Variants in TTC29 observed in about 807,000 individuals in gnomAD.
TTC29 encodes tetratricopeptide repeat protein 29.
TTC29 carries 49 observed loss-of-function variants against 58.1 expected under a neutral mutation model. That is an observed-to-expected ratio of 0.84 (90% CI 0.67 to 1.07). TTC29 has a LOEUF of 1.07. Ranked by LOEUF, TTC29 falls within the 50% of genes least tolerant of loss-of-function variation. The probability of loss-of-function intolerance (pLI) is 0.00; values close to 1 mark genes in which losing one functional copy is unlikely to be tolerated. For missense variants in TTC29, 582 were observed against 555.6 expected (o/e 1.05, Z -0.48); for synonymous variants, 209 against 196.8 (o/e 1.06, Z -0.52).
chr4:146,924,707 G>T (rs10025475), intron 4 of TTC29, among the ~76,000 whole-genome samples: 27,166 of 151,130 alleles, frequency 0.18, 3,968 homozygotes, highest in African/African-American at 0.39. Context: ...GGGTTTTTTG[G>T]TTGCTTTCTG....
chr4:146,717,750 C>T (rs528060006), intron 11 of TTC29, among the ~76,000 whole-genome samples: 3 of 152,172 alleles, frequency 2.0e-5, no homozygotes, highest in African/African-American at 7.2e-5. Flanking sequence ...ATGGTGAGAG[C>T]ATTTGAGAAT....
chr4:146,896,905 A>C (rs1162717348), intron 6 of TTC29, among the ~76,000 whole-genome samples: 1 of 152,038 alleles, frequency 6.6e-6, no homozygotes, highest in Non-Finnish European at 1.5e-5. Context: ...TCTAGTTTCT[A>C]CTTTTGTCTT....
intron 5 of TTC29, among the ~76,000 whole-genome samples, chr4:146,903,937 CA>C (rs34733675): frequency 1.3e-5 from 2 of 152,046 alleles, no homozygotes; most frequent in Admixed American, 1.3e-4. Flanking sequence ...AGTAAAGCAA[CA>C]AAAGGCTTTC....
intron 4 of TTC29, among the ~76,000 whole-genome samples, chr4:146,913,690 T>C (rs539456628): frequency 6.6e-6 from 1 of 152,088 alleles, no homozygotes; most frequent in African/African-American, 2.4e-5. Context: ...GAGGGCTGGG[T>C]CTGGTCTTTT....
chr4:146,807,107 T>C (rs1465098097), intron 10 of TTC29, among the ~76,000 whole-genome samples: 1 of 152,124 alleles, frequency 6.6e-6, no homozygotes, highest in East Asian at 1.9e-4. Context: ...CACAACTACA[T>C]GGAAACTGAA....
At chr4:146,728,626 C>T in intron 11 of TTC29, among the ~76,000 whole-genome samples, 1 of 149,700 alleles carries the variant, frequency 6.7e-6, no homozygotes, top group Non-Finnish European at 1.5e-5. Flanking sequence ...TTTAATATAA[C>T]ATTTTACTTT....
At chr4:146,908,948 T>G in intron 5 of TTC29, 78 bp downstream of exon 5, 1 of 1,247,850 alleles carries the variant, frequency 8.0e-7, no homozygotes, top group Middle Eastern at 2.7e-4. Flanking sequence ...AATTCATACA[T>G]GAAACAATCT....
At chr4:146,737,594 G>GT (rs201288135) in intron 11 of TTC29, among the ~76,000 whole-genome samples, 7 of 148,652 alleles carry the variant, frequency 4.7e-5, no homozygotes, top group Non-Finnish European at 1.1e-4. Context: ...TAGCCCTGGG[G>GT]GGGGGGGGGC....
At chr4:146,875,966 C>G (rs1278191750) in intron 6 of TTC29, among the ~76,000 whole-genome samples, 1 of 152,136 alleles carries the variant, frequency 6.6e-6, no homozygotes, top group East Asian at 1.9e-4. Context: ...TGTAAATACT[C>G]TTTTATGGTA....
intron 8 of TTC29, among the ~76,000 whole-genome samples, chr4:146,858,633 T>C (rs1041611576): frequency 6.6e-6 from 1 of 152,200 alleles, no homozygotes; most frequent in East Asian, 1.9e-4. Context: ...AAATATTTTA[T>C]GTATATTAAT....
intron 11 of TTC29, among the ~76,000 whole-genome samples, chr4:146,738,021 T>C (rs1234609379): frequency 2.6e-5 from 4 of 152,130 alleles, no homozygotes; most frequent in African/African-American, 9.7e-5. Flanking sequence ...TAAGAATAAA[T>C]ACAACTATAT....
chr4:146,887,792 C>A (rs1225751718), intron 6 of TTC29, among the ~76,000 whole-genome samples: 2 of 152,110 alleles, frequency 1.3e-5, no homozygotes, highest in Non-Finnish European at 2.9e-5. Flanking sequence ...AGCATCTCTT[C>A]TTGGACATCA....
chr4:146,883,141 CTT>C (rs1486028778), intron 6 of TTC29, among the ~76,000 whole-genome samples: 3 of 152,070 alleles, frequency 2.0e-5, no homozygotes, highest in Non-Finnish European at 4.4e-5. Context: ...GGTCACTCCC[CTT>C]TTTAGAAAAT....
chr4:146,850,601 AG>A (rs1487174627), intron 8 of TTC29, among the ~76,000 whole-genome samples: 2 of 152,236 alleles, frequency 1.3e-5, no homozygotes, highest in Non-Finnish European at 2.9e-5. Flanking sequence ...ACCAGAATCC[AG>A]GATGTCTGAT....
chr4:146,941,566 A>T (rs1484371452), intron 2 of TTC29, among the ~76,000 whole-genome samples: 1 of 152,214 alleles, frequency 6.6e-6, no homozygotes, highest in African/African-American at 2.4e-5. Context: ...AAAGCAGAGC[A>T]CTAGAAACTA....
chr4:146,931,683 C>T (rs1229869333), intron 4 of TTC29, among the ~76,000 whole-genome samples: 1 of 152,024 alleles, frequency 6.6e-6, no homozygotes, highest in East Asian at 1.9e-4. Context: ...TTTTTAATGT[C>T]TATTAGAGCT....
chr4:146,834,179 T>A (rs576153858), intron 8 of TTC29, among the ~76,000 whole-genome samples: 2 of 152,334 alleles, frequency 1.3e-5, no homozygotes, highest in South Asian at 4.1e-4. Flanking sequence ...TAGGTGTGAA[T>A]AAATAATTTA....
chr4:146,736,858 G>T (rs1365942975), intron 11 of TTC29, among the ~76,000 whole-genome samples: 1 of 152,192 alleles, frequency 6.6e-6, no homozygotes, highest in Non-Finnish European at 1.5e-5. Flanking sequence ...GAAAGGAGGA[G>T]ATGGTCACAA....
At chr4:146,882,038 C>T (rs1247594644) in intron 6 of TTC29, among the ~76,000 whole-genome samples, 2 of 152,086 alleles carry the variant, frequency 1.3e-5, no homozygotes, top group African/African-American at 4.8e-5. Flanking sequence ...TCATATTGAC[C>T]AGACAATGTA....
Sources: allele counts gnomAD v4.1 joint callset (sites outside exome capture counted in the v4.1 genomes callset), GRCh38; gene constraint gnomAD v4.1.1; transcripts MANE v1.5; gene names NCBI Gene and HGNC (gene_info 2026-07-23, HGNC 2026-07-21).